ATRX: variants seen among roughly 807,000 people sequenced by gnomAD.
The protein encoded by ATRX is chromatin remodeler ATRX.
In ATRX, 12 loss-of-function variants were observed where a neutral mutation model predicts 172.6. The observed-to-expected ratio is 0.07, with a 90% confidence interval of 0.04 to 0.11. ATRX has a LOEUF of 0.11. Among genes scored for constraint, ATRX ranks in the 10% least tolerant of loss-of-function variants. ATRX has a pLI of 1.00. For missense variants in ATRX, 1,368 were observed against 1,767.4 expected (o/e 0.77, Z 4.05); for synonymous variants, 674 against 594.7 (o/e 1.13, Z -1.94).
chrX:77,765,671 T>A (rs1266238271), intron 1 of ATRX, among the ~76,000 whole-genome samples: 8 of 107,978 alleles, frequency 7.4e-5, no homozygotes. Context: ...AATTTTCTCA[T>A]TTTTTTTTAA....
intron 28 of ATRX, among the ~76,000 whole-genome samples, chrX:77,569,822 A>G (rs1005231586): frequency 8.9e-6 from 1 of 112,343 alleles, no homozygotes; most frequent in Admixed American, 9.5e-5. Context: ...TGCTGCTAAA[A>G]GTATTACAGT....
intron 13 of ATRX, among the ~76,000 whole-genome samples, chrX:77,654,999 G>T (rs5912730): frequency 9.1e-6 from 1 of 109,762 alleles, no homozygotes; most frequent in African/African-American, 3.3e-5. Flanking sequence ...CATACATGAA[G>T]CTGGAGCACA....
At position 77,771,993 on chromosome X, in the gene ATRX, A is replaced by T. The variant is rs782098041; in HGVS notation, c.20+13989T>A. The stretch of plus-strand genomic sequence containing the variant: ...TCTAAAATAATACTTAGCTCATGTT[A>T]AGCCTTAAAAGTGTTTATCAGCCAG... On this transcript the variant is annotated intron_variant, in intron 1 of 34. Coordinates refer to ENST00000373344, the MANE Select transcript of ATRX (RefSeq NM_000489.6). Among the ~76,000 whole-genome samples the T allele has an allele frequency of 2.4e-4, 27 of 111,804 alleles. No homozygotes were observed. In the South Asian group the frequency reaches 9.6e-3, roughly 40 times the overall value.
At chrX:77,550,411 C>A (rs2064438704) in intron 30 of ATRX, among the ~76,000 whole-genome samples, 1 of 111,476 alleles carries the variant, frequency 9.0e-6, no homozygotes, top group Non-Finnish European at 1.9e-5. Context: ...TGACAAAATT[C>A]AACAACCTTC....
intron 1 of ATRX, among the ~76,000 whole-genome samples, chrX:77,738,552 TTG>T (rs1557180252): frequency 9.5e-6 from 1 of 105,295 alleles, no homozygotes; most frequent in African/African-American, 3.5e-5. Context: ...TGTTTCTCTT[TTG>T]TGTCTTTTTT....
chrX:77,540,351 C>A (rs1373357750), intron 30 of ATRX, among the ~76,000 whole-genome samples: 1 of 111,254 alleles, frequency 9.0e-6, no homozygotes, highest in Non-Finnish European at 1.9e-5. Context: ...GACTCAGACT[C>A]CCACACAATA....
chrX:77,592,466 A>T (rs1557081265), intron 26 of ATRX, among the ~76,000 whole-genome samples: 1 of 108,541 alleles, frequency 9.2e-6, no homozygotes, highest in Non-Finnish European at 1.9e-5. Flanking sequence ...GTTTATAATC[A>T]GATGTTGGGA....
rs2148584135 is a variant in ATRX, at chrX:77,682,265, G to C, written c.2991C>G (p.Asp997Glu). 1 of 1,199,950 alleles carries C rather than the reference G, an allele frequency of 8.3e-7. No individual in the cohort carries two copies. Among genetic ancestry groups the C allele is most frequent in the African/African-American group, 1.8e-5 (1 of 56,885 alleles). The change falls in exon 9 of 35, where the codon GAC becomes GAG. Residue 997 changes from aspartate to glutamate, a missense_variant. Physicochemically the swap from Asp to Glu is conservative, Grantham distance 45 (BLOSUM62 2). Coordinates refer to ENST00000373344, the MANE Select transcript of ATRX (RefSeq NM_000489.6). Reference protein sequence around the residue: ...KGTEEKKKPSDFKKKVIKMEQ... With the variant: ...KGTEEKKKPSEFKKKVIKMEQ... ...CCATTTTAATTACTTTTTTCTTAAA[G>C]TCTGAAGGTTTCTTTTTTTCTTCAG...
At chrX:77,698,204 G>A (rs2072293265) in intron 3 of ATRX, among the ~76,000 whole-genome samples, 1 of 111,185 alleles carries the variant, frequency 9.0e-6, no homozygotes, top group African/African-American at 3.3e-5. Flanking sequence ...TCAGGCAAAG[G>A]ACCTTGTTAT....
Position 77,557,428 on chromosome X carries a change from G to A in ATRX, c.6699+23C>T, listed in dbSNP as rs1355749361. On this transcript the variant is annotated intron_variant, in intron 30 of 34. Coordinates refer to ENST00000373344, the MANE Select transcript of ATRX (RefSeq NM_000489.6). ...TCCTTAGTCCACGTTGGTTTGTTAA[G>A]CCAATAATCTAAATATGTTTACCTT... 4 of 1,199,851 alleles carry A rather than the reference G, an allele frequency of 3.3e-6. No individual in the cohort carries two copies. The African/African-American group carries it at 7.0e-5, about 21-fold the overall frequency.
intron 31 of ATRX, chrX:77,522,593 T>C: frequency 9.8e-6 from 4 of 408,034 alleles, no homozygotes; most frequent in South Asian, 3.4e-5. Flanking sequence ...ACTTTTTTTT[T>C]CTGATAATTC....
rs781871549 is a variant in ATRX, at chrX:77,658,925, A to T, written c.4121-2272T>A. Among the ~76,000 whole-genome samples the T allele has an allele frequency of 4.1e-4, 46 of 112,284 alleles. No individual in the cohort carries two copies. In the South Asian group the frequency reaches 0.01, roughly 25 times the overall value. The stretch of plus-strand genomic sequence containing the variant: ...AAGAATTGTTTCAAAATAATTTTTT[A>T]AAAAAATCTATCATAACCTGAGATC... On this transcript the variant is annotated intron_variant, in intron 12 of 34. Transcript: ENST00000373344.
At chrX:77,664,820 G>A (rs2148499410) in intron 10 of ATRX, 42 bp from the exon 11 acceptor site, 1 of 1,109,529 alleles carries the variant, frequency 9.0e-7, no homozygotes, top group East Asian at 3.0e-5. Flanking sequence ...ATATATCTGG[G>A]GGTGAAATAC....
chrX:77,747,450 G>A (rs986900950), intron 1 of ATRX, among the ~76,000 whole-genome samples: 6 of 110,911 alleles, frequency 5.4e-5, no homozygotes, highest in African/African-American at 1.3e-4. Context: ...CTTGAACCCC[G>A]GAGAAGGGGG....
rs1557041797 is a variant in ATRX, at chrX:77,522,311, A to T, written c.6927T>A (p.Ile2309=). The T allele has an allele frequency of 8.3e-7, 1 of 1,208,715 alleles. No individual in the cohort carries two copies. Among genetic ancestry groups the T allele is most frequent in the Non-Finnish European group, 1.1e-6 (1 of 894,306 alleles). Reference sequence around the variant, plus strand: ...CTGACAGGGCTCCCAAATTGAAAGGAATATAAGGAGTTTGAGAGTTGAAAC... The same window carrying T: ...CTGACAGGGCTCCCAAATTGAAAGGTATATAAGGAGTTTGAGAGTTGAAAC... ...PVSFNSQTPY[I]PFNLGALSAM... The change falls in exon 32 of 35, where the codon ATT becomes ATA. Residue 2309 remains isoleucine, a synonymous_variant. Transcript: ENST00000373344.
chrX:77,754,684 T>C (rs928171626), intron 1 of ATRX, among the ~76,000 whole-genome samples: 1 of 112,211 alleles, frequency 8.9e-6, no homozygotes, highest in Non-Finnish European at 1.9e-5. Flanking sequence ...TCTTCTGGCT[T>C]GTAGGGTTTC....
At chrX:77,621,704 A>C (rs190179020) in intron 19 of ATRX, among the ~76,000 whole-genome samples, 130 of 112,393 alleles carry the variant, frequency 1.2e-3, no homozygotes, top group African/African-American at 4.2e-3. Context: ...TCAACAAAGC[A>C]GCTGTCAAAC....
At chrX:77,608,484 GGGAAA>G (rs1188157685) in intron 22 of ATRX, among the ~76,000 whole-genome samples, 1 of 111,454 alleles carries the variant, frequency 9.0e-6, no homozygotes, top group Non-Finnish European at 1.9e-5. Context: ...ACATGCACTG[GGGAAA>G]GGATAGTCTC....
chrX:77,666,526 T>C (rs150230682), intron 10 of ATRX, among the ~76,000 whole-genome samples: 357 of 112,416 alleles, frequency 3.2e-3, no homozygotes, highest in Non-Finnish European at 5.3e-3. Context: ...AAATTGAAGA[T>C]ATACATCTTT....
Sources: allele counts gnomAD v4.1 joint callset (sites outside exome capture counted in the v4.1 genomes callset), GRCh38; gene constraint gnomAD v4.1.1; transcripts MANE v1.5; gene names NCBI Gene and HGNC (gene_info 2026-07-23, HGNC 2026-07-21).